Variants in ERCC5 observed in about 807,000 individuals in gnomAD.
ERCC5 encodes ERCC excision repair 5, endonuclease.
A neutral mutation model predicts 105.6 loss-of-function variants in ERCC5; 68 were observed. The ratio of observed to expected loss-of-function variants is 0.64; its 90% CI spans 0.53 to 0.79. ERCC5 has a LOEUF of 0.79. ERCC5 is among the 30% of genes least tolerant of loss of function. ERCC5 has a pLI of 0.00. For synonymous variants in ERCC5, 546 were observed against 526.2 expected, an observed-to-expected ratio of 1.04 and a Z score of -0.51; for missense variants, 1,373 against 1,426.7, an observed-to-expected ratio of 0.96 and a Z score of 0.61.
intron 14 of ERCC5, among the ~76,000 whole-genome samples, chr13:102,874,579 T>C (rs1883134411): frequency 6.6e-6 from 1 of 152,214 alleles, no homozygotes; most frequent in Non-Finnish European, 1.5e-5. Flanking sequence ...TGGAGTGCAG[T>C]GGTGAGAACT....
Position 102,858,206 on chromosome 13 carries a change from T to G in ERCC5, c.529-69T>G. The G allele has an allele frequency of 4.4e-6, 7 of 1,597,066 alleles. No individual in the cohort carries two copies. In the South Asian group the frequency reaches 6.6e-5, roughly 15 times the overall value. ...GTTTATTATATAAACATAATACATA[T>G]CCTTAATGTTGAATAGAACTAAGTG... is the stretch of plus-strand genomic sequence containing the variant. On this transcript the variant is annotated intron_variant, in intron 5 of 14. Transcript: ENST00000652225.
intron 1 of ERCC5, chr13:102,849,124 C>G: frequency 3.9e-6 from 2 of 518,938 alleles, no homozygotes; most frequent in Non-Finnish European, 7.7e-6. Context: ...CCAGACTATA[C>G]TTGTAGCAAG....
chr13:102,865,828 G>A lies in ERCC5; in HGVS notation c.2116G>A (p.Glu706Lys), dbSNP rs915680498. The part of the protein sequence containing the change: ...ESESLLRDNS[E>K]RDDVDGEPQE... ...CGAGAGCCTCCTGAGGGACAACTCT[G>A]AGAGGGACGACGTGGATGGTGAGCC... is the stretch of plus-strand genomic sequence containing the variant. Residue 706 changes from glutamate (E) to lysine (K), a missense_variant, in exon 9 of 15, where the codon GAG (glutamate) becomes AAG (lysine). Around this residue, in one of 3 missense-constraint regions of ERCC5, gnomAD observed 1,004 missense variants for 1,059.7 expected, o/e 0.95. Transcript: ENST00000652225. The surrounding 1 kb of genome is among the most constrained non-coding windows in gnomAD (Gnocchi z 4.0). The A allele has an allele frequency of 3.7e-6, 6 of 1,614,212 alleles. No individual in the cohort carries two copies. The highest frequency in any genetic ancestry group is 5.1e-6 in the Non-Finnish European group (6 of 1,180,042).
Position 102,862,619 on chromosome 13 carries a change from T to G in ERCC5, c.1470T>G (p.Asp490Glu). Residue 490 changes from aspartate to glutamate, a missense_variant, in exon 8 of 15, where the codon GAT becomes GAG. Asp to Glu is a conservative substitution (Grantham distance 45). Around this residue, in one of 3 missense-constraint regions of ERCC5, gnomAD observed 1,004 missense variants for 1,059.7 expected, o/e 0.95. Coordinates refer to ENST00000652225, the MANE Select transcript of ERCC5 (RefSeq NM_000123.4). ...GGACTGAAGCCTTTCCGATAAGTGA[T>G]GAGTCTATGATTAAGGACAGAAAAG... ...HVGTEAFPISDESMIKDRKDR... is the reference protein window; with the variant it reads ...HVGTEAFPISEESMIKDRKDR... 2 of 1,614,100 alleles carry G rather than the reference T, an allele frequency of 1.2e-6. No individual in the cohort carries two copies. The highest frequency in any genetic ancestry group is 1.1e-5 in the South Asian group (1 of 91,080).
intron 12 of ERCC5, among the ~76,000 whole-genome samples, chr13:102,869,561 G>A (rs1490921997): frequency 6.6e-6 from 1 of 151,902 alleles, no homozygotes; most frequent in Non-Finnish European, 1.5e-5. Context: ...TATTTTACCT[G>A]TAACCCATTT....
At chr13:102,860,795 T>G in intron 6 of ERCC5, among the ~76,000 whole-genome samples, 1 of 152,330 alleles carries the variant, frequency 6.6e-6, no homozygotes, top group Non-Finnish European at 1.5e-5. Context: ...TAAGTATTAC[T>G]GTTAATAACT....
At chr13:102,861,927 A>G (rs1047482859) in intron 7 of ERCC5, 103 bp from the exon 8 acceptor site, 45 of 1,492,050 alleles carry the variant, frequency 3.0e-5, no homozygotes, top group Non-Finnish European at 4.2e-5. Context: ...ATGAAAATGT[A>G]TATACTTATT....
At chr13:102,866,115 A>T in intron 9 of ERCC5, 147 bp from the exon 10 acceptor site, 1 of 1,453,168 alleles carries the variant, frequency 6.9e-7, no homozygotes, top group Non-Finnish European at 9.5e-7. Context: ...TAAAGATATT[A>T]CAGAGTCTTG....
chr13:102,852,348 C>T, intron 2 of ERCC5, 55 bp downstream of exon 2: 1 of 1,591,284 alleles, frequency 6.3e-7, no homozygotes, highest in South Asian at 1.2e-5. Flanking sequence ...TTTCTGCATT[C>T]TTAGAAAAAT....
intron 6 of ERCC5, 48 bp from the exon 7 acceptor site, chr13:102,861,459 C>G (rs2140526084): frequency 1.3e-6 from 2 of 1,589,486 alleles, no homozygotes; most frequent in Non-Finnish European, 1.7e-6. Context: ...GTAATATTAT[C>G]TGTATTTAAT....
intron 6 of ERCC5, among the ~76,000 whole-genome samples, chr13:102,860,591 T>C (rs1472054506): frequency 6.6e-6 from 1 of 152,172 alleles, no homozygotes; most frequent in Non-Finnish European, 1.5e-5. Context: ...TAAATTGACA[T>C]GCTTTTGATC....
chr13:102,872,473 A>G (rs546697577), intron 13 of ERCC5, 75 bp downstream of exon 13: 1 of 1,559,220 alleles, frequency 6.4e-7, no homozygotes, highest in Non-Finnish European at 8.7e-7. Flanking sequence ...TGGAAGAGAA[A>G]CTTGGATCAT....
intron 6 of ERCC5, among the ~76,000 whole-genome samples, chr13:102,860,690 A>G (rs1367255248): frequency 6.6e-6 from 1 of 152,212 alleles, no homozygotes; most frequent in Admixed American, 6.5e-5. Context: ...AATGGAGGTG[A>G]TATCTGTTTC....
At chr13:102,851,166 T>C (rs747964495) in intron 1 of ERCC5, among the ~76,000 whole-genome samples, 1 of 152,246 alleles carries the variant, frequency 6.6e-6, no homozygotes, top group African/African-American at 2.4e-5. Context: ...AATGGAGTTA[T>C]ACTTTATATG....
Position 102,861,702 on chromosome 13 carries a change from A to G in ERCC5, c.868A>G (p.Ile290Val), listed in dbSNP as rs772819826. 1.2e-6 allele frequency: 2 copies of G among 1,614,152 alleles called. No individual in the cohort carries two copies. The highest frequency in any genetic ancestry group is 2.2e-5 in the East Asian group (1 of 44,866). The change falls in exon 7 of 15, where the codon ATC becomes GTC. Residue 290 changes from isoleucine to valine, a missense_variant. Around this residue, in one of 3 missense-constraint regions of ERCC5, gnomAD observed 1,004 missense variants for 1,059.7 expected, o/e 0.95. Transcript: ENST00000652225. Reference sequence around the variant, plus strand: ...GGTCTCTGAAGACACTTCACATTACATCTTGATAAAAGGTATCAGGCACCA... The same window carrying G: ...GGTCTCTGAAGACACTTCACATTACGTCTTGATAAAAGGTATCAGGCACCA... ...RVVSEDTSHY[I>V]LIKGIQAKTV... is the part of the protein sequence containing the mutation.
In ERCC5 at chr13:102,862,441, G is replaced by C; in HGVS notation, c.1292G>C (p.Gly431Ala). 6.2e-7 allele frequency: 1 copy of C among 1,614,108 alleles called. No homozygotes were observed. Among genetic ancestry groups the C allele is most frequent in the Non-Finnish European group, 8.5e-7 (1 of 1,180,040 alleles). ...AGCTCCACCGAGAACAGTGATGAAGGACTTAAAGTGAGAGATGGAAAAGGA... is the reference window on the plus strand; with the variant it reads ...AGCTCCACCGAGAACAGTGATGAAGCACTTAAAGTGAGAGATGGAAAAGGA... ...INSSTENSDE[G>A]LKVRDGKGIP... Residue 431 changes from glycine (G) to alanine (A), a missense_variant, in exon 8 of 15, where the codon GGA (glycine) becomes GCA (alanine). By Grantham distance (60) the Gly-to-Ala change is moderately conservative. Coordinates refer to ENST00000652225, the MANE Select transcript of ERCC5 (RefSeq NM_000123.4).
intron 1 of ERCC5, among the ~76,000 whole-genome samples, chr13:102,850,803 A>G (rs1388623997): frequency 1.3e-5 from 2 of 152,144 alleles, no homozygotes; most frequent in Non-Finnish European, 2.9e-5. Context: ...TCTGGGCCAG[A>G]CATATACATG....
chr13:102,871,471 C>T (rs922374662), intron 12 of ERCC5, among the ~76,000 whole-genome samples: 5 of 152,142 alleles, frequency 3.3e-5, no homozygotes, highest in East Asian at 3.9e-4. Flanking sequence ...TAGCACACAG[C>T]GAAATAATAG....
In ERCC5 at chr13:102,875,367, C is replaced by A; in HGVS notation, c.3025C>A (p.Arg1009Ser). Reference sequence around the variant, plus strand: ...ACAACAGGAGAAAGAAGATGCTAAACGTATTAAGAGCCAGAGACTAAACAG... The same window carrying A: ...ACAACAGGAGAAAGAAGATGCTAAAAGTATTAAGAGCCAGAGACTAAACAG... The part of the protein sequence containing the change: ...LAQQEKEDAK[R>S]IKSQRLNRAV... Residue 1009 changes from arginine (R) to serine (S), a missense_variant, in exon 15 of 15, where the codon CGT becomes AGT. Physicochemically the swap from Arg to Ser is moderately radical, Grantham distance 110. Coordinates refer to ENST00000652225, the MANE Select transcript of ERCC5 (RefSeq NM_000123.4). 1 of 1,613,762 alleles carries A rather than the reference C, an allele frequency of 6.2e-7. No homozygotes were observed. Among genetic ancestry groups the A allele is most frequent in the Non-Finnish European group, 8.5e-7 (1 of 1,179,964 alleles).
Sources: allele counts gnomAD v4.1 joint callset (sites outside exome capture counted in the v4.1 genomes callset), GRCh38; gene constraint gnomAD v4.1.1; regional missense constraint gnomAD v4.1.1; non-coding constraint Gnocchi (gnomAD v3.1); transcripts MANE v1.5; gene names NCBI Gene and HGNC (gene_info 2026-07-23, HGNC 2026-07-21).